LTC4S: variants seen among roughly 807,000 people sequenced by gnomAD.
LTC4S encodes leukotriene C4 synthase.
A neutral mutation model predicts 19.6 loss-of-function variants in LTC4S; 18 were observed. That is an observed-to-expected ratio of 0.92 (90% CI 0.64 to 1.36). The LOEUF (loss-of-function observed/expected upper bound fraction) is 1.36. LTC4S is among the 40% of genes most tolerant of loss of function. The pLI is 0.00. For synonymous variants in LTC4S, 126 were observed against 110.1 expected, an observed-to-expected ratio of 1.14 and a Z score of -0.91; for missense variants, 235 against 212.2, an observed-to-expected ratio of 1.11 and a Z score of -0.67.
chr5:179,796,035 C>A lies in LTC4S; in HGVS notation c.311+13C>A. On this transcript the variant is annotated intron_variant, in intron 4 of 4. Coordinates refer to ENST00000292596, the MANE Select transcript of LTC4S (RefSeq NM_145867.2). ...CCGCGCAGCTCAGGTGAGGGCCGGG[C>A]GGGGAGCGGGGCGGGGCCGGGGAAA... 2 of 1,057,954 alleles carry A rather than the reference C, an allele frequency of 1.9e-6. No homozygotes were observed. Among genetic ancestry groups the A allele is most frequent in the East Asian group, 7.2e-5 (1 of 13,942 alleles). 65.5% of individuals were successfully genotyped at this position (1,057,954 alleles called of 1,614,324 possible). A position where few individuals can be genotyped will look rare whatever the true frequency, so the allele number is the denominator to read the frequency against.
chr5:179,796,447 C>A lies in LTC4S; in HGVS notation c.*53C>A. 1 of 1,451,328 alleles carries A rather than the reference C, an allele frequency of 6.9e-7. No individual in the cohort carries two copies. Among genetic ancestry groups the A allele is most frequent in the South Asian group, 1.3e-5 (1 of 75,726 alleles). The allele number at this position is 1,451,328 out of a possible 1,614,324, so 89.9% of individuals were successfully genotyped here. A position where few individuals can be genotyped will look rare whatever the true frequency, so the allele number is the denominator to read the frequency against. ...GGGAAAGAAGAGCCGGAGCCTCCAG[C>A]TGCCCCGGGGAGGGGCGCTCGCTTC... On this transcript the variant is annotated 3_prime_UTR_variant, in exon 5 of 5. Coordinates refer to ENST00000292596, the MANE Select transcript of LTC4S (RefSeq NM_145867.2).
In LTC4S at chr5:179,795,602, TG is replaced by T; in HGVS notation, c.78del (p.Ile27SerfsTer28). ...CCCCCAGCCTACTTCTCCCTGCAGG[TG>T]ATCTCGGCGCGCAGGGCCTTCCGCG... Reference protein sequence around the residue: ...VLLQAYFSLQVISARRAFRVS... With the variant: ...VLLQAYFSLQXISARRAFRVS... On this transcript the variant is annotated frameshift_variant, in exon 2 of 5. Transcript: ENST00000292596. LOFTEE classifies it high-confidence loss of function. 2 of 1,610,042 alleles carry T rather than the reference TG, an allele frequency of 1.2e-6. No individual in the cohort carries two copies. Among genetic ancestry groups the T allele is most frequent in the Non-Finnish European group, 1.7e-6 (2 of 1,179,054 alleles).
chr5:179,794,001 C>T lies in LTC4S; in HGVS notation c.-80C>T, dbSNP rs1000228921. The T allele has an allele frequency of 7.5e-6, 12 of 1,607,980 alleles. No homozygotes were observed. The East Asian group carries it at 9.0e-5, about 12-fold the overall frequency. ...CGAGGCTGCTCTTCCTCTCCTGGGCCGTCCTCTGAGCAGCAGACGGGGCTA... is the reference window on the plus strand; with the variant it reads ...CGAGGCTGCTCTTCCTCTCCTGGGCTGTCCTCTGAGCAGCAGACGGGGCTA... On this transcript the variant is annotated 5_prime_UTR_variant, in exon 1 of 5. Coordinates refer to ENST00000292596, the MANE Select transcript of LTC4S (RefSeq NM_145867.2).
Position 179,796,384 on chromosome 5 carries a change from C to G in LTC4S, c.443C>G (p.Pro148Arg), listed in dbSNP as rs1756627598. The change falls in exon 5 of 5, where the codon CCG (proline) becomes CGG (arginine). Residue 148 changes from proline (P) to arginine (R), a missense_variant. Coordinates refer to ENST00000292596, the MANE Select transcript of LTC4S (RefSeq NM_145867.2). ...ALLGRLRTLL[P>R]WA ...CTCGGACGGCTCCGGACGCTGCTGC[C>G]GTGGGCCTGAGACCAAGGCCCCCGG... The G allele has an allele frequency of 6.7e-7, 1 of 1,498,226 alleles. No individual in the cohort carries two copies. The highest frequency in any genetic ancestry group is 8.8e-7 in the Non-Finnish European group (1 of 1,131,350). 92.8% of individuals were successfully genotyped at this position (1,498,226 alleles called of 1,614,324 possible). A position where few individuals can be genotyped will look rare whatever the true frequency, so the allele number is the denominator to read the frequency against.
Position 179,796,495 on chromosome 5 carries a change from A to G in LTC4S, c.*101A>G, listed in dbSNP as rs917037294. On this transcript the variant is annotated 3_prime_UTR_variant, in exon 5 of 5. Coordinates refer to ENST00000292596, the MANE Select transcript of LTC4S (RefSeq NM_145867.2). ...TTCCGCATCCTAGTCTCTATCATTAAAGTTCTAGTGACCGAGACCCGGGCT... is the reference window on the plus strand; with the variant it reads ...TTCCGCATCCTAGTCTCTATCATTAGAGTTCTAGTGACCGAGACCCGGGCT... 1 of 1,350,742 alleles carries G rather than the reference A, an allele frequency of 7.4e-7. No individual in the cohort carries two copies. Among genetic ancestry groups the G allele is most frequent in the African/African-American group, 1.5e-5 (1 of 64,676 alleles). 83.7% of individuals were successfully genotyped at this position (1,350,742 alleles called of 1,614,324 possible).
chr5:179,796,589 G>A lies in LTC4S; in HGVS notation c.*195G>A, dbSNP rs1468731628. The A allele has an allele frequency of 1.2e-5, 9 of 773,000 alleles. No homozygotes were observed. The highest frequency in any genetic ancestry group is 1.8e-5 in the African/African-American group (1 of 54,182). 47.9% of individuals were successfully genotyped at this position (773,000 alleles called of 1,614,324 possible). ...GCCTGGAGGGGCCCAGCCCGAGTCCGGGCAGCCCGGGGCGGGCTTCCTAGT... is the reference window on the plus strand; with the variant it reads ...GCCTGGAGGGGCCCAGCCCGAGTCCAGGCAGCCCGGGGCGGGCTTCCTAGT... On this transcript the variant is annotated 3_prime_UTR_variant, in exon 5 of 5. Transcript: ENST00000292596.
chr5:179,794,267 C>G (rs1463078482), intron 1 of LTC4S, 129 bp downstream of exon 1: 2 of 1,224,036 alleles, frequency 1.6e-6, no homozygotes, highest in Admixed American at 4.0e-5. Flanking sequence ...AGGGTGGGGA[C>G]TTTCAGGGAA....
In LTC4S at chr5:179,796,440, C is replaced by T. The variant is rs1428957594; in HGVS notation, c.*46C>T. ...CGGAGCCGGGAAAGAAGAGCCGGAG[C>T]CTCCAGCTGCCCCGGGGAGGGGCGC... On this transcript the variant is annotated 3_prime_UTR_variant, in exon 5 of 5. Coordinates refer to ENST00000292596, the MANE Select transcript of LTC4S (RefSeq NM_145867.2). The T allele has an allele frequency of 2.7e-6, 4 of 1,456,816 alleles. No individual in the cohort carries two copies. The highest frequency in any genetic ancestry group is 3.6e-6 in the Non-Finnish European group (4 of 1,109,014). 90.2% of individuals were successfully genotyped at this position (1,456,816 alleles called of 1,614,324 possible).
chr5:179,795,405 A>G (rs1371528069), intron 1 of LTC4S, 179 bp from the exon 2 acceptor site: 31 of 1,450,702 alleles, frequency 2.1e-5, no homozygotes, highest in Admixed American at 4.8e-5. Flanking sequence ...TGTCAGGGAC[A>G]CAGGGCAGGC....
chr5:179,796,018 C>T lies in LTC4S; in HGVS notation c.307C>T (p.Leu103Phe). ...CCAGGGCTACGCGCGCTCCGCGCAGCTCAGGTGAGGGCCGGGCGGGGAGCG... is the reference window on the plus strand; with the variant it reads ...CCAGGGCTACGCGCGCTCCGCGCAGTTCAGGTGAGGGCCGGGCGGGGAGCG... ...YFQGYARSAQLRLAPLYASAR... is the reference protein window; with the variant it reads ...YFQGYARSAQFRLAPLYASAR... The change falls in exon 4 of 5, where the codon CTC becomes TTC. Residue 103 changes from leucine (L) to phenylalanine (F), a missense_variant. By Grantham distance (22) the Leu-to-Phe change is conservative (BLOSUM62 0). Coordinates refer to ENST00000292596, the MANE Select transcript of LTC4S (RefSeq NM_145867.2). The T allele has an allele frequency of 6.5e-7, 1 of 1,528,164 alleles. No homozygotes were observed. The highest frequency in any genetic ancestry group is 8.7e-7 in the Non-Finnish European group (1 of 1,143,842). The allele number at this position is 1,528,164 out of a possible 1,614,324, so 94.7% of individuals were successfully genotyped here. A position where few individuals can be genotyped will look rare whatever the true frequency, so the allele number is the denominator to read the frequency against.
rs1387171980 is a variant in LTC4S at position 179,796,431 on chromosome 5, G to A, written c.*37G>A. ...CCGGGCCGACGGAGCCGGGAAAGAAGAGCCGGAGCCTCCAGCTGCCCCGGG... is the reference window on the plus strand; with the variant it reads ...CCGGGCCGACGGAGCCGGGAAAGAAAAGCCGGAGCCTCCAGCTGCCCCGGG... On this transcript the variant is annotated 3_prime_UTR_variant, in exon 5 of 5. Transcript: ENST00000292596. 6.1e-6 allele frequency: 9 copies of A among 1,467,578 alleles called. No individual in the cohort carries two copies. In the East Asian group the frequency reaches 8.6e-5, roughly 14 times the overall value. 90.9% of individuals were successfully genotyped at this position (1,467,578 alleles called of 1,614,324 possible).
At position 179,796,358 on chromosome 5, in the gene LTC4S, CCTCGGACGG is replaced by C; in HGVS notation, c.421_429del (p.Gly141_Leu143del). 2.0e-6 allele frequency: 3 copies of C among 1,493,530 alleles called. No homozygotes were observed. Among genetic ancestry groups the C allele is most frequent in the Non-Finnish European group, 2.7e-6 (3 of 1,129,438 alleles). 92.5% of individuals were successfully genotyped at this position (1,493,530 alleles called of 1,614,324 possible). On this transcript the variant is annotated inframe_deletion, in exon 5 of 5. Coordinates refer to ENST00000292596, the MANE Select transcript of LTC4S (RefSeq NM_145867.2). ...TCCCGGCCGCGCTGCGCGCCGCGCT[CCTCGGACGG>C]CTCCGGACGCTGCTGCCGTGGGCCT...
intron 4 of LTC4S, 38 bp from the exon 5 acceptor site, chr5:179,796,215 C>T (rs1459746560): frequency 7.2e-7 from 1 of 1,393,724 alleles, no homozygotes; most frequent in Admixed American, 2.6e-5. Context: ...AAGAAGCGGG[C>T]CTCCTCGCGC....
At chr5:179,794,803 C>CG (rs1172471492) in intron 1 of LTC4S, among the ~76,000 whole-genome samples, 1 of 152,170 alleles carries the variant, frequency 6.6e-6, no homozygotes, top group East Asian at 1.9e-4. Context: ...GGGGAGGGAG[C>CG]GCACAGCCAG....
At position 179,794,139 on chromosome 5, in the gene LTC4S, G is replaced by A. The variant is rs1756540984; in HGVS notation, c.58+1G>A. ...ACCCTCCTGGGAGTCCTGCTGCAAGGTGGGCTGGTTCCTATCTAGGAAGAG... is the reference window on the plus strand; with the variant it reads ...ACCCTCCTGGGAGTCCTGCTGCAAGATGGGCTGGTTCCTATCTAGGAAGAG... On this transcript the variant is annotated splice_donor_variant, in intron 1 of 4. Transcript: ENST00000292596. LOFTEE classifies it high-confidence loss of function. The A allele has an allele frequency of 6.2e-7, 1 of 1,613,430 alleles. No individual in the cohort carries two copies. Among genetic ancestry groups the A allele is most frequent in the East Asian group, 2.2e-5 (1 of 44,884 alleles).
At chr5:179,796,102 T>C in intron 4 of LTC4S, 80 bp downstream of exon 4, 2 of 1,314,452 alleles carry the variant, frequency 1.5e-6, no homozygotes, top group Non-Finnish European at 2.0e-6. Flanking sequence ...GGACCGAAGC[T>C]GGGGGCGGGC....
intron 4 of LTC4S, 105 bp from the exon 5 acceptor site, chr5:179,796,147 TG>T: frequency 7.9e-7 from 1 of 1,259,200 alleles, no homozygotes; most frequent in East Asian, 3.1e-5. Flanking sequence ...GGGGATTCGG[TG>T]GGCGAGCCCT....
In LTC4S at chr5:179,795,784, A is replaced by G; in HGVS notation, c.159-2A>G. ...CGCGCTCATCCCACCCGCCCACCGC[A>G]GGGTGAACTGCAGCGAGTACTTCCC... On this transcript the variant is annotated splice_acceptor_variant, in intron 2 of 4. Transcript: ENST00000292596. LOFTEE classifies it high-confidence loss of function. The G allele has an allele frequency of 7.2e-7, 1 of 1,392,696 alleles. No individual in the cohort carries two copies. Among genetic ancestry groups the G allele is most frequent in the East Asian group, 2.4e-5 (1 of 41,638 alleles). 86.3% of individuals were successfully genotyped at this position (1,392,696 alleles called of 1,614,324 possible).
At chr5:179,796,116 G>A (rs939646971) in intron 4 of LTC4S, 94 bp downstream of exon 4, 1 of 1,296,006 alleles carries the variant, frequency 7.7e-7, no homozygotes, top group East Asian at 3.0e-5. Context: ...GGCGGGCGAC[G>A]GGCCGGAGCC....
Sources: allele counts gnomAD v4.1 joint callset (sites outside exome capture counted in the v4.1 genomes callset), GRCh38; gene constraint gnomAD v4.1.1; transcripts MANE v1.5; gene names NCBI Gene and HGNC (gene_info 2026-07-23, HGNC 2026-07-21).